The following C17orf99 variants were observed in gnomAD, a reference collection of about 807,000 sequenced individuals.
C17orf99 encodes chromosome 17 open reading frame 99, also known as protein IL-40.
C17orf99 carries 18 observed loss-of-function variants against 22.6 expected under a neutral mutation model. The ratio of observed to expected loss-of-function variants is 0.80; its 90% CI spans 0.55 to 1.18. The LOEUF (loss-of-function observed/expected upper bound fraction) is 1.18. C17orf99 is among the 50% of genes most tolerant of loss of function. C17orf99 has a pLI of 0.00. For synonymous variants in C17orf99, 147 were observed against 136.6 expected, an observed-to-expected ratio of 1.08 and a Z score of -0.53; for missense variants, 328 against 342.7, an observed-to-expected ratio of 0.96 and a Z score of 0.34.
At position 78,164,134 on chromosome 17, in the gene C17orf99, A is replaced by G. The variant is rs2075599256; in HGVS notation, c.410A>G (p.Asp137Gly). 2 of 1,551,722 alleles carry G rather than the reference A, an allele frequency of 1.3e-6. No homozygotes were observed. The highest frequency in any genetic ancestry group is 3.3e-4 in the Middle Eastern group (2 of 5,992). ...SELRANFTLQ[D>G]RGAGPRVEMI... The stretch of plus-strand genomic sequence containing the variant: ...CTGCGGGCCAACTTCACTCTGCAGG[A>G]CAGAGGGGCAGGCCCCAGGGTGGAG... Residue 137 changes from aspartate (D) to glycine (G), a missense_variant, in exon 4 of 5, where the codon GAC (aspartate) becomes GGC (glycine). Asp to Gly is a moderately conservative substitution (Grantham distance 94). Transcript: ENST00000340363.
At chr17:78,155,104 A>G (rs914688702) in intron 2 of C17orf99, among the ~76,000 whole-genome samples, 1 of 148,504 alleles carries the variant, frequency 6.7e-6, no homozygotes, top group Non-Finnish European at 1.5e-5. Flanking sequence ...TCTACCCACT[A>G]AATGTCAGCA....
chr17:78,160,744 C>G, intron 2 of C17orf99: 1 of 565,738 alleles, frequency 1.8e-6, no homozygotes, highest in Non-Finnish European at 3.2e-6. Flanking sequence ...CCACCACGCC[C>G]GGCTAATTTT....
chr17:78,156,794 ATTTATT>A (rs1166373364), intron 2 of C17orf99, among the ~76,000 whole-genome samples: 1 of 151,716 alleles, frequency 6.6e-6, no homozygotes, highest in African/African-American at 2.4e-5. Flanking sequence ...TTGTTTATTT[ATTTATT>A]TTTAGAGTAG....
At chr17:78,159,714 CA>C (rs1214460841) in intron 2 of C17orf99, among the ~76,000 whole-genome samples, 1 of 152,056 alleles carries the variant, frequency 6.6e-6, no homozygotes, top group Non-Finnish European at 1.5e-5. Flanking sequence ...ATCTATTAGG[CA>C]GTTACTCCCC....
At position 78,164,401 on chromosome 17, in the gene C17orf99, C is replaced by T. The variant is rs368298191; in HGVS notation, c.640+37C>T. 87 of 1,551,030 alleles carry T rather than the reference C, an allele frequency of 5.6e-5. No individual in the cohort carries two copies. The African/African-American group carries it at 9.4e-4, about 17-fold the overall frequency. ...CTTGGATTTCCAGAGGGGCAGCTGG[C>T]GCTTCTGTGCCGGGAGGGTGCTAGT... On this transcript the variant is annotated intron_variant, in intron 4 of 4. Coordinates refer to ENST00000340363, the MANE Select transcript of C17orf99 (RefSeq NM_001163075.2).
chr17:78,164,064 A>T, intron 3 of C17orf99, 31 bp from the exon 4 acceptor site: 1 of 1,537,984 alleles, frequency 6.5e-7, no homozygotes, highest in Non-Finnish European at 8.8e-7. Context: ...CCGCTCAGCC[A>T]TGCCTGTGCT....
At chr17:78,158,275 CT>C (rs1256931936) in intron 2 of C17orf99, 2 of 486,978 alleles carry the variant, frequency 4.1e-6, no homozygotes, top group Non-Finnish European at 3.9e-6. Context: ...TGCCCTGGTC[CT>C]AGGCTGCTGG....
chr17:78,148,160 A>C (rs1006979920), intron 2 of C17orf99, among the ~76,000 whole-genome samples: 1 of 151,434 alleles, frequency 6.6e-6, no homozygotes, highest in Non-Finnish European at 1.5e-5. Flanking sequence ...TAGCCAAAGG[A>C]TCAGTTGAGC....
intron 3 of C17orf99, 63 bp from the exon 4 acceptor site, chr17:78,164,032 A>T: frequency 7.4e-7 from 1 of 1,345,678 alleles, no homozygotes; most frequent in Non-Finnish European, 1.0e-6. Flanking sequence ...AGGAGAACTT[A>T]CTGAGGAGGA....
At chr17:78,153,867 C>A (rs1024541985) in intron 2 of C17orf99, among the ~76,000 whole-genome samples, 1 of 146,152 alleles carries the variant, frequency 6.8e-6, no homozygotes, top group Non-Finnish European at 1.5e-5. Flanking sequence ...TTCTTCAAAT[C>A]GAAGATTTTT....
intron 2 of C17orf99, chr17:78,158,164 C>A: frequency 3.9e-6 from 3 of 775,300 alleles, no homozygotes; most frequent in Non-Finnish European, 6.7e-6. Flanking sequence ...TGCTGTCTGC[C>A]ATGACCGAGG....
intron 3 of C17orf99, 123 bp from the exon 4 acceptor site, chr17:78,163,972 G>T: frequency 2.4e-6 from 2 of 829,668 alleles, no homozygotes; most frequent in Non-Finnish European, 4.0e-6. Context: ...CTAGAAGGCG[G>T]CCTGGAGGAG....
intron 2 of C17orf99, among the ~76,000 whole-genome samples, chr17:78,149,817 C>G (rs1334754812): frequency 2.0e-5 from 3 of 150,818 alleles, no homozygotes; most frequent in Admixed American, 6.6e-5. Flanking sequence ...TCAAGGGATT[C>G]TCCTGCCTCA....
chr17:78,151,106 G>A (rs2075478819), intron 2 of C17orf99, among the ~76,000 whole-genome samples: 1 of 151,432 alleles, frequency 6.6e-6, no homozygotes, highest in Non-Finnish European at 1.5e-5. Context: ...CTGGGCGACA[G>A]AGTGAGACTC....
rs768907018 is a variant in C17orf99, at chr17:78,160,969, G to C, written c.85G>C (p.Val29Leu). 4 of 1,550,768 alleles carry C rather than the reference G, an allele frequency of 2.6e-6. No individual in the cohort carries two copies. In the South Asian group the frequency reaches 4.8e-5, roughly 18 times the overall value. The change falls in exon 3 of 5, where the codon GTC (valine) becomes CTC (leucine). Residue 29 changes from valine to leucine, a missense_variant. Val to Leu is a conservative substitution (Grantham distance 32). Coordinates refer to ENST00000340363, the MANE Select transcript of C17orf99 (RefSeq NM_001163075.2). ...KAREEEITPV[V>L]SIAYKVLEVF... ...TCATCTCCCAGAAATTACCCCTGTG[G>C]TCTCCATTGCCTACAAAGTCCTGGA... is the stretch of plus-strand genomic sequence containing the variant.
chr17:78,165,284 T>C lies in C17orf99; in HGVS notation c.641-605T>C, dbSNP rs568726193. ...TGTCCTGGTTCTCATCCTCTGCCCG[T>C]GGCCCAGGCCCTTACGTGGCTCTAC... On this transcript the variant is annotated intron_variant, in intron 4 of 4. Transcript: ENST00000340363. 5 of 986,526 alleles carry C rather than the reference T, an allele frequency of 5.1e-6. No homozygotes were observed. In the South Asian group the frequency reaches 2.3e-4, roughly 46 times the overall value. The allele number at this position is 986,526 out of a possible 1,614,324, so 61.1% of individuals were successfully genotyped here. A position where few individuals can be genotyped will look rare whatever the true frequency, so the allele number is the denominator to read the frequency against.
In C17orf99 at chr17:78,146,487, C is replaced by T; in HGVS notation, c.37+43C>T. 6.5e-7 allele frequency: 1 copy of T among 1,538,218 alleles called. No individual in the cohort carries two copies. Among genetic ancestry groups the T allele is most frequent in the Non-Finnish European group, 8.8e-7 (1 of 1,138,244 alleles). On this transcript the variant is annotated intron_variant, in intron 1 of 4. Transcript: ENST00000340363. This position sits in a 1 kb window ranked among gnomAD's most constrained non-coding sequence, Gnocchi z 5.2. ...GTGATGGTGGGGCTGCTGCTGGGGC[C>T]TTGAGGTCTTGGGCTCAGGTGGGGG...
At chr17:78,158,077 C>T (rs1567820131) in intron 2 of C17orf99, 1 of 1,113,824 alleles carries the variant, frequency 9.0e-7, no homozygotes, top group Non-Finnish European at 1.3e-6. Context: ...TGCGAGAGGA[C>T]TTTCGTCTGC....
intron 2 of C17orf99, among the ~76,000 whole-genome samples, chr17:78,156,589 C>T (rs182448513): frequency 6.6e-6 from 1 of 152,078 alleles, no homozygotes; most frequent in East Asian, 1.9e-4. Context: ...GCAGGAGCCT[C>T]GCATTCTTCA....
Sources: gnomAD v4.1 joint callset for allele counts (sites outside exome capture counted in the v4.1 genomes callset) on GRCh38, gnomAD v4.1.1 for gene constraint, Gnocchi (gnomAD v3.1) non-coding constraint, MANE v1.5 for transcripts, NCBI Gene and HGNC (gene_info 2026-07-23, HGNC 2026-07-21) for gene names.